The following ABLIM1 variants were observed in gnomAD, a reference collection of about 807,000 sequenced individuals.
ABLIM1 encodes the protein actin-binding LIM protein 1.
A neutral mutation model predicts 107.0 loss-of-function variants in ABLIM1; 40 were observed. The ratio of observed to expected loss-of-function variants is 0.37; its 90% CI spans 0.29 to 0.49. The LOEUF is 0.49. Among genes scored for constraint, ABLIM1 ranks in the 20% least tolerant of loss-of-function variants. ABLIM1 has a pLI of 0.97. For missense variants in ABLIM1, 857 were observed against 1,008.5 expected (o/e 0.85, Z 2.04); for synonymous variants, 357 against 357.3 (o/e 1.00, Z 0.01).
chr10:114,617,808 T>C (rs995573544), intron 1 of ABLIM1, among the ~76,000 whole-genome samples: 1 of 152,160 alleles, frequency 6.6e-6, no homozygotes, highest in Non-Finnish European at 1.5e-5. Context: ...CCCATATTTA[T>C]TTATTTTTTA....
At chr10:114,682,847 C>T (rs900378951) in intron 1 of ABLIM1, among the ~76,000 whole-genome samples, 31 of 152,342 alleles carry the variant, frequency 2.0e-4, no homozygotes, top group African/African-American at 5.8e-4. Flanking sequence ...TGTTTACTTA[C>T]AGTCTCTCTG....
At chr10:114,519,862 A>G (rs112053184) in intron 6 of ABLIM1, among the ~76,000 whole-genome samples, 3,669 of 152,250 alleles carry the variant, frequency 0.024, 148 homozygotes, top group African/African-American at 0.084. Context: ...TTAGCTCACC[A>G]CCAACCCAGG....
chr10:114,730,396 T>A (rs808352), intron 1 of ABLIM1, among the ~76,000 whole-genome samples: 2 of 126,908 alleles, frequency 1.6e-5, no homozygotes. Flanking sequence ...AAACTCCATC[T>A]CAAAAAAAAA....
intron 8 of ABLIM1, among the ~76,000 whole-genome samples, chr10:114,478,976 A>G (rs1461451934): frequency 6.6e-6 from 1 of 152,182 alleles, no homozygotes; most frequent in Non-Finnish European, 1.5e-5. Flanking sequence ...TTTATGTAAG[A>G]CAGTGTAATA....
intron 1 of ABLIM1, among the ~76,000 whole-genome samples, chr10:114,694,517 C>G (rs1234897453): frequency 6.6e-6 from 1 of 152,174 alleles, no homozygotes; most frequent in African/African-American, 2.4e-5. Context: ...TTACCACTCA[C>G]TAGTTGGGTG....
intron 1 of ABLIM1, among the ~76,000 whole-genome samples, chr10:114,766,292 G>A (rs1365144902): frequency 7.9e-5 from 12 of 152,152 alleles, no homozygotes; most frequent in Admixed American, 7.9e-4. Context: ...CCCTCTACAA[G>A]ATTAGTCAGA....
intron 2 of ABLIM1, among the ~76,000 whole-genome samples, chr10:114,583,456 CACACACACACACATATATAT>C (rs2073770793): frequency 4.4e-4 from 6 of 13,540 alleles, no homozygotes; most frequent in African/African-American, 9.9e-4. Context: ...CACACACACA[CACACACACACACATATATAT>C]ATATATATAT....
chr10:114,590,473 C>A (rs2074735575), intron 2 of ABLIM1, among the ~76,000 whole-genome samples: 1 of 152,080 alleles, frequency 6.6e-6, no homozygotes, highest in African/African-American at 2.4e-5. Flanking sequence ...GAAGTTTAAC[C>A]CCTTTCCAAT....
At chr10:114,648,446 G>A (rs2079097426) in intron 1 of ABLIM1, among the ~76,000 whole-genome samples, 1 of 152,182 alleles carries the variant, frequency 6.6e-6, no homozygotes, top group African/African-American at 2.4e-5. Flanking sequence ...CAGGTTACAT[G>A]ATTCCAATCA....
chr10:114,670,916 C>T (rs1297793318), intron 1 of ABLIM1, among the ~76,000 whole-genome samples: 2 of 152,190 alleles, frequency 1.3e-5, no homozygotes, highest in African/African-American at 4.8e-5. Context: ...ATATTTTTAA[C>T]GTTAAATTTT....
At position 114,753,439 on chromosome 10, in the gene ABLIM1, A is replaced by G. The variant is rs563299316; in HGVS notation, c.-213+14622T>C. 6.4e-4 allele frequency among the ~76,000 whole-genome samples: 98 copies of G among 152,374 alleles called. 3 individuals carry two copies. The South Asian group carries it at 0.019, about 30-fold the overall frequency. ...ACATTCAGTGCAGCATTGTCTATAA[A>G]AACAAATGAGCAAAGATTCTATCAA... On this transcript the variant is annotated intron_variant, in intron 1 of 15. Transcript: ENST00000651092.
chr10:114,679,748 C>G (rs1216468819), intron 1 of ABLIM1, among the ~76,000 whole-genome samples: 3 of 151,518 alleles, frequency 2.0e-5, no homozygotes, highest in Admixed American at 6.6e-5. Context: ...CATTCTGGAA[C>G]AGAAATGCCC....
intron 3 of ABLIM1, among the ~76,000 whole-genome samples, chr10:114,573,552 A>G (rs531328886): frequency 6.6e-6 from 1 of 152,232 alleles, no homozygotes; most frequent in South Asian, 2.1e-4. Flanking sequence ...CTTAGAGTTT[A>G]CTGGGAACAC....
At chr10:114,512,600 G>A (rs1248341700) in intron 6 of ABLIM1, among the ~76,000 whole-genome samples, 1 of 152,050 alleles carries the variant, frequency 6.6e-6, no homozygotes, top group Non-Finnish European at 1.5e-5. Context: ...CGAGGAGGAC[G>A]GATCACTTGA....
intron 1 of ABLIM1, among the ~76,000 whole-genome samples, chr10:114,743,430 C>T (rs1177901467): frequency 6.6e-6 from 1 of 152,228 alleles, no homozygotes; most frequent in African/African-American, 2.4e-5. Context: ...CAGATTCAGA[C>T]ACACTGCCAG....
chr10:114,481,541 A>C (rs1030217629), intron 8 of ABLIM1, among the ~76,000 whole-genome samples: 7 of 152,144 alleles, frequency 4.6e-5, no homozygotes, highest in Admixed American at 2.6e-4. Context: ...AGAAAAAGGA[A>C]TATTTTAAAA....
chr10:114,743,015 A>G (rs964012795), intron 1 of ABLIM1, among the ~76,000 whole-genome samples: 2 of 152,242 alleles, frequency 1.3e-5, no homozygotes, highest in African/African-American at 2.4e-5. Flanking sequence ...TGCTTGGCAC[A>G]TTGTATCTCA....
chr10:114,603,658 GA>G (rs869219376), intron 1 of ABLIM1, among the ~76,000 whole-genome samples: 1 of 148,186 alleles, frequency 6.7e-6, no homozygotes, highest in Non-Finnish European at 1.5e-5. Flanking sequence ...AAAAGAAGAA[GA>G]AAAGTTTTCC....
intron 10 of ABLIM1, among the ~76,000 whole-genome samples, chr10:114,471,965 G>A (rs867418843): frequency 2.6e-5 from 4 of 152,170 alleles, no homozygotes; most frequent in African/African-American, 7.2e-5. Context: ...GGTAGGAAGC[G>A]ACCACAGAGA....
Sources: gnomAD v4.1 joint callset for allele counts (sites outside exome capture counted in the v4.1 genomes callset) on GRCh38, gnomAD v4.1.1 for gene constraint, MANE v1.5 for transcripts, NCBI Gene and HGNC (gene_info 2026-07-23, HGNC 2026-07-21) for gene names.